The following ACBD5 variants were observed in gnomAD, a reference collection of about 807,000 sequenced individuals.
The protein encoded by ACBD5 is acyl-CoA-binding domain-containing protein 5.
ACBD5 carries 40 observed loss-of-function variants against 71.8 expected under a neutral mutation model. The ratio of observed to expected loss-of-function variants is 0.56; its 90% CI spans 0.43 to 0.72. The LOEUF is 0.72. Ranked by LOEUF, ACBD5 falls within the 30% of genes least tolerant of loss-of-function variation. The pLI, the probability that ACBD5 is intolerant of heterozygous loss-of-function variation, is 0.00. For synonymous variants in ACBD5, 229 were observed against 218.6 expected, an observed-to-expected ratio of 1.05 and a Z score of -0.42; for missense variants, 559 against 644.5, an observed-to-expected ratio of 0.87 and a Z score of 1.44.
intron 7 of ACBD5, among the ~76,000 whole-genome samples, chr10:27,217,428 C>A (rs1320051603): frequency 2.0e-5 from 3 of 150,208 alleles, no homozygotes; most frequent in African/African-American, 7.4e-5. Context: ...TGCACTCCAG[C>A]CTGGGTGACA....
In ACBD5 at chr10:27,219,804, C is replaced by G; in HGVS notation, c.544G>C (p.Ala182Pro). The G allele has an allele frequency of 6.2e-7, 1 of 1,614,100 alleles. No individual in the cohort carries two copies. The highest frequency in any genetic ancestry group is 8.5e-7 in the Non-Finnish European group (1 of 1,180,004). The change falls in exon 6 of 13, where the codon GCT (alanine) becomes CCT (proline). Residue 182 changes from alanine to proline, a missense_variant. Physicochemically the swap from Ala to Pro is conservative, Grantham distance 27. Transcript: ENST00000396271. ...TPNAKTVNGKAESSDSGAESE... is the reference protein window; with the variant it reads ...TPNAKTVNGKPESSDSGAESE... Reference sequence around the variant, plus strand: ...TCGGCTCCACTGTCACTGCTTTCAGCTTTACCATTAACGGTTTTGGCGTTT... The same window carrying G: ...TCGGCTCCACTGTCACTGCTTTCAGGTTTACCATTAACGGTTTTGGCGTTT...
At chr10:27,207,286 CATAATA>C (rs10676608) in intron 10 of ACBD5, among the ~76,000 whole-genome samples, 37 of 146,076 alleles carry the variant, frequency 2.5e-4, no homozygotes, top group African/African-American at 3.5e-4. Context: ...AAAAAAAACC[CATAATA>C]ATAATAATAA....
Position 27,204,493 on chromosome 10 carries a change from T to C in ACBD5, c.1512A>G (p.Ile504Met). 6.2e-7 allele frequency: 1 copy of C among 1,614,128 alleles called. No homozygotes were observed. The highest frequency in any genetic ancestry group is 8.5e-7 in the Non-Finnish European group (1 of 1,180,008). Residue 504 changes from isoleucine to methionine, a missense_variant, in exon 12 of 13, where the codon ATA becomes ATG. Physicochemically the swap from Ile to Met is conservative, Grantham distance 10. Coordinates refer to ENST00000396271, the MANE Select transcript of ACBD5 (RefSeq NM_145698.5). ...MSPGVLTFAI[I>M]WPFIAQWLVY... is the part of the protein sequence containing the mutation. ...CCAACCACTGTGCAATAAAAGGCCA[T>C]ATGATGGCAAACGTTAGCACACCAG... is the stretch of plus-strand genomic sequence containing the variant.
At chr10:27,223,297 A>C (rs373820287) in intron 5 of ACBD5, 41 bp downstream of exon 5, 6 of 1,374,072 alleles carry the variant, frequency 4.4e-6, no homozygotes, top group Non-Finnish European at 6.2e-6. Context: ...TGTGCATAAT[A>C]TATCAGTTGA....
In ACBD5 at chr10:27,235,157, C is replaced by T. The variant is rs751134486; in HGVS notation, c.237G>A (p.Gln79=). Reference sequence around the variant, plus strand: ...AAAGTTTACAGGGTCCTTCAGTTGCCTGCTTATAGAAGCTATAAAATTTAA... The same window carrying T: ...AAAGTTTACAGGGTCCTTCAGTTGCTTGCTTATAGAAGCTATAAAATTTAA... ...MMLKFYSFYK[Q]ATEGPCKLSR... Residue 79 remains glutamine, a synonymous_variant, in exon 3 of 13, where the codon CAG becomes CAA. Coordinates refer to ENST00000396271, the MANE Select transcript of ACBD5 (RefSeq NM_145698.5). 2 of 1,613,848 alleles carry T rather than the reference C, an allele frequency of 1.2e-6. No homozygotes were observed. Among genetic ancestry groups the T allele is most frequent in the African/African-American group, 2.7e-5 (2 of 74,932 alleles).
chr10:27,234,809 G>A (rs1181228282), intron 3 of ACBD5, among the ~76,000 whole-genome samples: 1 of 152,166 alleles, frequency 6.6e-6, no homozygotes, highest in Non-Finnish European at 1.5e-5. Flanking sequence ...GCGCGCACCT[G>A]TAATCCCACC....
intron 2 of ACBD5, 72 bp from the exon 3 acceptor site, chr10:27,235,284 G>C (rs536514565): frequency 6.5e-7 from 1 of 1,545,900 alleles, no homozygotes; most frequent in East Asian, 2.3e-5. Flanking sequence ...AATTAGCTTA[G>C]CTATACTAAT....
intron 5 of ACBD5, among the ~76,000 whole-genome samples, chr10:27,221,631 T>C (rs2062348500): frequency 6.6e-6 from 1 of 152,066 alleles, no homozygotes; most frequent in South Asian, 2.1e-4. Flanking sequence ...TTTTTTTTTC[T>C]GGCAGGGTAC....
rs35949495 is a variant in ACBD5, at chr10:27,239,737, T to TTTTG, written c.181+578_181+581dup. Among the ~76,000 whole-genome samples, 1,436 of 150,708 alleles carry TTTTG rather than the reference T, an allele frequency of 9.5e-3. 25 individuals are homozygous for TTTTG. The highest frequency in any genetic ancestry group is 0.033 in the African/African-American group (1,368 of 40,914). ...GGCATTAGGCATCCCCAGCCTAGAT[T>TTTTG]TTTGTTTGTTTGTTTGTTTGTTTGT... On this transcript the variant is annotated intron_variant, in intron 2 of 12. Coordinates refer to ENST00000396271, the MANE Select transcript of ACBD5 (RefSeq NM_145698.5).
intron 12 of ACBD5, among the ~76,000 whole-genome samples, chr10:27,203,076 T>C (rs975799366): frequency 7.2e-6 from 1 of 139,768 alleles, no homozygotes; most frequent in South Asian, 2.4e-4. Flanking sequence ...TGGGCTCAAG[T>C]TGATCCTCCC....
intron 5 of ACBD5, among the ~76,000 whole-genome samples, chr10:27,222,127 G>C (rs1480285793): frequency 6.6e-6 from 1 of 151,838 alleles, no homozygotes; most frequent in African/African-American, 2.4e-5. Flanking sequence ...TTTCAGCACA[G>C]GAAGATTACT....
chr10:27,219,158 G>A (rs1163239704), intron 6 of ACBD5, among the ~76,000 whole-genome samples: 5 of 151,710 alleles, frequency 3.3e-5, no homozygotes, highest in East Asian at 1.9e-4. Flanking sequence ...AAAAATTAGC[G>A]GGGTGTGGTG....
intron 4 of ACBD5, among the ~76,000 whole-genome samples, chr10:27,229,460 C>T (rs2063570888): frequency 6.6e-6 from 1 of 151,868 alleles, no homozygotes; most frequent in Admixed American, 6.6e-5. Flanking sequence ...GGCGTGACGG[C>T]ATGCCTCTGT....
Position 27,215,639 on chromosome 10 carries a change from T to G in ACBD5, c.832A>C (p.Ile278Leu). The part of the protein sequence containing the change: ...GKSAVCIHQD[I>L]NDDHVEDVTG... The stretch of plus-strand genomic sequence containing the variant: ...ACATCTTCAACATGATCATCATTTA[T>G]ATCTAAATATGAACAAAAGTGCAGA... Residue 278 changes from isoleucine to leucine, a missense_variant and splice_region_variant, in exon 8 of 13, where the codon ATA becomes CTA. Physicochemically the swap from Ile to Leu is conservative, Grantham distance 5 (BLOSUM62 2). Coordinates refer to ENST00000396271, the MANE Select transcript of ACBD5 (RefSeq NM_145698.5). 6.2e-7 allele frequency: 1 copy of G among 1,602,942 alleles called. No individual in the cohort carries two copies. Among genetic ancestry groups the G allele is most frequent in the Non-Finnish European group, 8.5e-7 (1 of 1,170,568 alleles).
Position 27,208,347 on chromosome 10 carries a change from T to A in ACBD5, c.1303A>T (p.Ser435Cys), listed in dbSNP as rs1269737511. 9 of 1,614,102 alleles carry A rather than the reference T, an allele frequency of 5.6e-6. No homozygotes were observed. The East Asian group carries it at 2.0e-4, about 36-fold the overall frequency. The change falls in exon 10 of 13, where the codon AGC (serine) becomes TGC (cysteine). Residue 435 changes from serine (S) to cysteine (C), a missense_variant. Ser to Cys is a moderately radical substitution (Grantham distance 112, BLOSUM62 -1). Coordinates refer to ENST00000396271, the MANE Select transcript of ACBD5 (RefSeq NM_145698.5). ...RWGSDRGSRG[S>C]LNEQIALVLM... is the part of the protein sequence containing the mutation. ...ACGAGGGCGATCTGCTCATTGAGGCTGCCTCGGGACCCTCTGTCGGAGCCC... is the reference window on the plus strand; with the variant it reads ...ACGAGGGCGATCTGCTCATTGAGGCAGCCTCGGGACCCTCTGTCGGAGCCC...
downstream of ACBD5, among the ~76,000 whole-genome samples, chr10:27,193,792 C>T (rs182391430): frequency 2.5e-4 from 38 of 152,266 alleles, no homozygotes; most frequent in East Asian, 9.6e-4. Context: ...AGCACCTTCC[C>T]GGCCCTGGAC....
chr10:27,235,262 A>G, intron 2 of ACBD5, 50 bp from the exon 3 acceptor site: 1 of 1,605,800 alleles, frequency 6.2e-7, no homozygotes, highest in Non-Finnish European at 8.5e-7. Flanking sequence ...TACAACTGAT[A>G]ATCAGGTTAT....
chr10:27,200,282 A>G (rs1002555958), intron 12 of ACBD5, among the ~76,000 whole-genome samples: 7 of 152,166 alleles, frequency 4.6e-5, no homozygotes, highest in African/African-American at 1.7e-4. Flanking sequence ...CCTCACTGCT[A>G]CACTCCCACC....
At chr10:27,192,256 T>A (rs1281714812), downstream of ACBD5, among the ~76,000 whole-genome samples, 2 of 147,816 alleles carry the variant, frequency 1.4e-5, no homozygotes, top group African/African-American at 4.9e-5. Context: ...ACTTTTTTTT[T>A]AAGTCTACAT....
Sources: gnomAD v4.1 joint callset for allele counts (sites outside exome capture counted in the v4.1 genomes callset) on GRCh38, gnomAD v4.1.1 for gene constraint, MANE v1.5 for transcripts, NCBI Gene and HGNC (gene_info 2026-07-23, HGNC 2026-07-21) for gene names.